Variants in TULP4 observed in about 807,000 individuals in gnomAD.
The protein encoded by TULP4 is tubby-related protein 4.
TULP4 carries 16 observed loss-of-function variants against 129.0 expected under a neutral mutation model. The ratio of observed to expected loss-of-function variants is 0.12; its 90% CI spans 0.08 to 0.19. The LOEUF (loss-of-function observed/expected upper bound fraction) is 0.19, where lower values mean the gene tolerates loss of function less well. Ranked by LOEUF, TULP4 falls within the 10% of genes least tolerant of loss-of-function variation. The pLI, the probability that TULP4 is intolerant of heterozygous loss-of-function variation, is 1.00. For missense variants in TULP4, 1,842 were observed against 2,059.1 expected (o/e 0.89, Z 2.04); for synonymous variants, 998 against 854.0 (o/e 1.17, Z -2.94).
chr6:158,247,399 TACTAGTTGGAAC>T (rs1778049002), intron 1 of TULP4, among the ~76,000 whole-genome samples: 1 of 152,232 alleles, frequency 6.6e-6, no homozygotes, highest in African/African-American at 2.4e-5. Flanking sequence ...TCCAGCTAGT[TACTAGTTGGAAC>T]ACTACATTCT....
chr6:158,310,317 CTTTTTTTTTTT>C (rs34198459), upstream of TULP4: 2 of 104,364 alleles, frequency 1.9e-5, no homozygotes, highest in African/African-American at 7.5e-5. Context: ...AGGTGCTACA[CTTTTTTTTTTT>C]TTTTTTTTTT....
At chr6:158,421,358 T>A (rs1301236789) in intron 2 of TULP4, among the ~76,000 whole-genome samples, 1 of 107,712 alleles carries the variant, frequency 9.3e-6, no homozygotes, top group East Asian at 2.4e-4. Context: ...CGGGGCTCCG[T>A]CTCAAAAAAA....
chr6:158,447,994 G>A (rs1294567171), intron 3 of TULP4, among the ~76,000 whole-genome samples: 2 of 152,204 alleles, frequency 1.3e-5, no homozygotes, highest in African/African-American at 4.8e-5. Context: ...GATGCACCTC[G>A]GTGGAGGTCC....
At chr6:158,245,159 ATTT>A (rs76155193) in intron 1 of TULP4, among the ~76,000 whole-genome samples, 1 of 136,362 alleles carries the variant, frequency 7.3e-6, no homozygotes, top group Non-Finnish European at 1.6e-5. Context: ...GGTCAATTAA[ATTT>A]TTTTTTTTTT....
intron 6 of TULP4, among the ~76,000 whole-genome samples, chr6:158,463,712 A>AT (rs397959242): frequency 6.7e-6 from 1 of 149,232 alleles, no homozygotes; most frequent in African/African-American, 2.4e-5. Flanking sequence ...AAAAAAAAAA[A>AT]GAATCTGTGT....
At chr6:158,370,822 A>G (rs907230549) in intron 1 of TULP4, among the ~76,000 whole-genome samples, 6 of 152,238 alleles carry the variant, frequency 3.9e-5, no homozygotes, top group Non-Finnish European at 7.3e-5. Flanking sequence ...ATGTGGGTGG[A>G]GTCAGATAGT....
chr6:158,248,298 C>T (rs1778067088), intron 1 of TULP4, among the ~76,000 whole-genome samples: 1 of 151,772 alleles, frequency 6.6e-6, no homozygotes, highest in Non-Finnish European at 1.5e-5. Context: ...GAGACGGAGT[C>T]TCGCTCTGTT....
intron 1 of TULP4, among the ~76,000 whole-genome samples, chr6:158,319,639 G>A (rs968765078): frequency 6.6e-6 from 1 of 152,184 alleles, no homozygotes; most frequent in Non-Finnish European, 1.5e-5. Context: ...CCCTCAGCTA[G>A]TATGTAAAAT....
chr6:158,392,564 C>T (rs969156800), intron 1 of TULP4, among the ~76,000 whole-genome samples: 3 of 151,952 alleles, frequency 2.0e-5, no homozygotes, highest in Non-Finnish European at 4.4e-5. Flanking sequence ...GTGTTAAAGG[C>T]AGGAGAAAGC....
chr6:158,285,363 G>GA (rs938582111), intron 1 of TULP4, among the ~76,000 whole-genome samples: 8 of 152,082 alleles, frequency 5.3e-5, no homozygotes, highest in African/African-American at 1.9e-4. Context: ...TTGTAATGAG[G>GA]AAACAAGAAT....
At position 158,258,911 on chromosome 6, in the gene TULP4, A is replaced by G. The variant is rs575934272; in HGVS notation, n.68+26608A>G. The stretch of plus-strand genomic sequence containing the variant: ...GGGTAGCTTGACATGGGATATATAT[A>G]CCTGAAAAAACAGGATAAATATAAA... On this transcript the variant is annotated intron_variant and non_coding_transcript_variant, in intron 1 of 1. Coordinates refer to the TULP4 transcript ENST00000620026. 1.2e-3 allele frequency among the ~76,000 whole-genome samples: 178 copies of G among 152,328 alleles called. 2 individuals carry two copies. In the South Asian group the frequency reaches 0.028, roughly 24 times the overall value.
Position 158,503,999 on chromosome 6 carries a change from A to T in TULP4, c.4336A>T (p.Lys1446Ter). 6.2e-7 allele frequency: 1 copy of T among 1,612,902 alleles called. No individual in the cohort carries two copies. Among genetic ancestry groups the T allele is most frequent in the Non-Finnish European group, 8.5e-7 (1 of 1,179,536 alleles). The change falls in exon 13 of 14, where the codon AAG becomes TAG. Residue 1446 changes from lysine (K) to a stop codon, truncating the protein, a stop_gained. Coordinates refer to ENST00000367097, the MANE Select transcript of TULP4 (RefSeq NM_020245.5). LOFTEE classifies it high-confidence loss of function. This position sits in a 1 kb window ranked among gnomAD's most constrained non-coding sequence, Gnocchi z 4.3. ...PRAAGELEEA[K>*]CRRASEKEDG... ...GGCCGCCGGCGAGCTGGAGGAGGCC[A>T]AGTGCCGGCGGGCCAGTGAGAAGGA...
In TULP4 at chr6:158,476,361, T is replaced by A. The variant is rs555178562; in HGVS notation, c.1027-3390T>A. Among the ~76,000 whole-genome samples the A allele has an allele frequency of 8.5e-5, 13 of 152,300 alleles. No homozygotes were observed. In the South Asian group the frequency reaches 2.7e-3, roughly 32 times the overall value. On this transcript the variant is annotated intron_variant, in intron 6 of 13. Transcript: ENST00000367097. ...GATTTCCTGGTAACGTTGCCCTAGATAATAATTATTCCTTTGAGACCCTGC... is the reference window on the plus strand; with the variant it reads ...GATTTCCTGGTAACGTTGCCCTAGAAAATAATTATTCCTTTGAGACCCTGC...
At chr6:158,487,583 G>A (rs993674569) in intron 8 of TULP4, among the ~76,000 whole-genome samples, 1 of 152,232 alleles carries the variant, frequency 6.6e-6, no homozygotes, top group Admixed American at 6.5e-5. Context: ...ATTTTTCTAC[G>A]ACTTAGATGT....
chr6:158,358,181 C>A (rs898046323), intron 1 of TULP4, among the ~76,000 whole-genome samples: 2 of 152,196 alleles, frequency 1.3e-5, no homozygotes, highest in African/African-American at 4.8e-5. Flanking sequence ...TCTGCAAAAC[C>A]ATGCAGGGGT....
chr6:158,481,437 C>A, intron 8 of TULP4, 148 bp downstream of exon 8: 1 of 716,884 alleles, frequency 1.4e-6, no homozygotes, highest in Non-Finnish European at 2.5e-6. Context: ...ACGACATTTC[C>A]AGAATCCCAT....
At chr6:158,405,128 C>G (rs1304061301) in intron 1 of TULP4, among the ~76,000 whole-genome samples, 1 of 152,122 alleles carries the variant, frequency 6.6e-6, no homozygotes, top group Non-Finnish European at 1.5e-5. Flanking sequence ...GTAAAAATGA[C>G]TTAAACTTAT....
intron 1 of TULP4, among the ~76,000 whole-genome samples, chr6:158,359,508 C>T (rs564525092): frequency 6.6e-6 from 1 of 152,152 alleles, no homozygotes; most frequent in Non-Finnish European, 1.5e-5. Flanking sequence ...TGTTTGAGGG[C>T]AGGAAGCGTC....
chr6:158,275,065 A>C (rs1213764805), intron 1 of TULP4, among the ~76,000 whole-genome samples: 1 of 152,248 alleles, frequency 6.6e-6, no homozygotes, highest in African/African-American at 2.4e-5. Flanking sequence ...TTTAGGCTAT[A>C]TCAGCATTCC....
Sources: allele counts gnomAD v4.1 joint callset (sites outside exome capture counted in the v4.1 genomes callset), GRCh38; gene constraint gnomAD v4.1.1; non-coding constraint Gnocchi (gnomAD v3.1); transcripts MANE v1.5; gene names NCBI Gene and HGNC (gene_info 2026-07-23, HGNC 2026-07-21).